ITGA6: variants seen among roughly 807,000 people sequenced by gnomAD.
ITGA6 encodes integrin alpha-6.
In ITGA6, 63 loss-of-function variants were observed where a neutral mutation model predicts 133.6. That is an observed-to-expected ratio of 0.47 (90% confidence interval 0.38 to 0.58). ITGA6 has a LOEUF of 0.58. ITGA6 is among the 20% of genes least tolerant of loss of function. The pLI, the probability that ITGA6 is intolerant of heterozygous loss-of-function variation, is 0.00. For synonymous variants in ITGA6, 434 were observed against 482.0 expected (o/e 0.90, Z 1.30); for missense variants, 1,068 against 1,309.4 (o/e 0.82, Z 2.85).
chr2:172,469,798 G>A (rs1165090752), intron 4 of ITGA6, among the ~76,000 whole-genome samples: 1 of 152,154 alleles, frequency 6.6e-6, no homozygotes, highest in East Asian at 1.9e-4. Flanking sequence ...TATTAATATG[G>A]ACATTTCTCT....
intron 24 of ITGA6, 36 bp from the exon 25 acceptor site, chr2:172,501,736 A>G: frequency 6.2e-7 from 1 of 1,606,288 alleles, no homozygotes; most frequent in South Asian, 1.1e-5. Flanking sequence ...TATACACAAA[A>G]CTGTAAAATT....
chr2:172,474,034 C>T (rs1381543468), intron 5 of ITGA6, 21 bp from the exon 6 acceptor site: 2 of 1,539,722 alleles, frequency 1.3e-6, no homozygotes, highest in Non-Finnish European at 9.0e-7. Flanking sequence ...GTGAGGGGCT[C>T]TATATATTTT....
At chr2:172,469,439 T>A in intron 4 of ITGA6, 59 bp downstream of exon 4, 4 of 1,490,080 alleles carry the variant, frequency 2.7e-6, no homozygotes, top group Non-Finnish European at 3.7e-6. Flanking sequence ...GTAATATGAT[T>A]TAGTACATTT....
In ITGA6 at chr2:172,475,025, G is replaced by C; in HGVS notation, c.1083G>C (p.Trp361Cys). The C allele has an allele frequency of 6.2e-7, 1 of 1,600,910 alleles. No individual in the cohort carries two copies. Among genetic ancestry groups the C allele is most frequent in the South Asian group, 1.1e-5 (1 of 90,838 alleles). Residue 361 changes from tryptophan to cysteine, a missense_variant, in exon 7 of 26, where the codon TGG becomes TGC. Physicochemically the swap from Trp to Cys is radical, Grantham distance 215. Transcript: ENST00000684293. Reference sequence around the variant, plus strand: ...TCTACATGAACCAGCAAGGCAGATGGAATAATGTGAAGCCAATTCGTCTTA... The same window carrying C: ...TCTACATGAACCAGCAAGGCAGATGCAATAATGTGAAGCCAATTCGTCTTA... ...VYVYMNQQGR[W>C]NNVKPIRLNG...
intron 1 of ITGA6, among the ~76,000 whole-genome samples, chr2:172,462,150 C>T (rs1260151447): frequency 6.6e-6 from 1 of 152,200 alleles, no homozygotes; most frequent in Non-Finnish European, 1.5e-5. Flanking sequence ...TTTACCTTAC[C>T]TTTCGGTGAT....
rs1395138180 is a variant in ITGA6, at chr2:172,504,081, T to A, written c.*23-10T>A. ...TAATTTGTTTCTCTTTCTCTTTCCCTCTTCTCTAGTGTGGATTCTTTAAAC... is the reference window on the plus strand; with the variant it reads ...TAATTTGTTTCTCTTTCTCTTTCCCACTTCTCTAGTGTGGATTCTTTAAAC... On this transcript the variant is annotated splice_polypyrimidine_tract_variant and intron_variant, in intron 25 of 25. Transcript: ENST00000684293. 1.9e-6 allele frequency: 3 copies of A among 1,558,840 alleles called. No individual in the cohort carries two copies. Among genetic ancestry groups the A allele is most frequent in the Admixed American group, 2.0e-5 (1 of 49,218 alleles).
chr2:172,467,494 A>C lies in ITGA6; in HGVS notation c.321A>C (p.Ser107=). The C allele has an allele frequency of 6.2e-7, 1 of 1,613,608 alleles. No individual in the cohort carries two copies. The highest frequency in any genetic ancestry group is 1.1e-5 in the South Asian group (1 of 91,072). ...TCCTTTCTACAGCTGACCCCACGTC[A>C]GAAAGCAAGGAAGATCAGTGGATGG... ...IEFDNDADPT[S]ESKEDQWMGV... is the part of the protein sequence containing the mutation. The change falls in exon 3 of 26, where the codon TCA becomes TCC. Residue 107 remains serine (S), a synonymous_variant. Transcript: ENST00000684293.
At chr2:172,484,427 G>A (rs1376704174) in intron 11 of ITGA6, among the ~76,000 whole-genome samples, 1 of 113,936 alleles carries the variant, frequency 8.8e-6, no homozygotes, top group Non-Finnish European at 1.9e-5. Flanking sequence ...CAGTTTAGGT[G>A]CTCGGGGGAG....
intron 1 of ITGA6, among the ~76,000 whole-genome samples, chr2:172,429,602 G>T (rs1684026615): frequency 6.6e-6 from 1 of 152,222 alleles, no homozygotes; most frequent in African/African-American, 2.4e-5. Flanking sequence ...AGGAATCTGT[G>T]TCGTGAAGGT....
chr2:172,484,831 A>G lies in ITGA6; in HGVS notation c.1599A>G (p.Leu533=), dbSNP rs1354829121. The G allele has an allele frequency of 2.5e-6, 4 of 1,614,120 alleles. No homozygotes were observed. The highest frequency in any genetic ancestry group is 3.4e-6 in the Non-Finnish European group (4 of 1,179,930). The change falls in exon 12 of 26, where the codon CTA becomes CTG. Residue 533 remains leucine, a synonymous_variant. Transcript: ENST00000684293. ...AAAAAGAAAGAAGAAAATCTGGGCT[A>G]TCCTCAAGAGTTCAGTTTCGAAACC... ...EAEKERRKSG[L]SSRVQFRNQG...
chr2:172,501,817 T>A lies in ITGA6; in HGVS notation c.3160T>A (p.Tyr1054Asn). 1.2e-6 allele frequency: 2 copies of A among 1,612,374 alleles called. No individual in the cohort carries two copies. The highest frequency in any genetic ancestry group is 1.7e-6 in the Non-Finnish European group (2 of 1,179,008). Residue 1054 changes from tyrosine (Y) to asparagine (N), a missense_variant, in exon 25 of 26, where the codon TAT becomes AAT. Transcript: ENST00000684293. The stretch of plus-strand genomic sequence containing the variant: ...TAAGAAAGATCATTATGATGCCACA[T>A]ATCACAAGGCTGAGATCCATGCTCA... ...RNKKDHYDAT[Y>N]HKAEIHAQPS... is the part of the protein sequence containing the mutation.
intron 1 of ITGA6, among the ~76,000 whole-genome samples, chr2:172,436,431 A>C (rs1214689084): frequency 6.6e-6 from 1 of 152,194 alleles, no homozygotes; most frequent in African/African-American, 2.4e-5. Context: ...AAGGGGTTGT[A>C]GGAATGTGGA....
At chr2:172,486,811 C>T (rs1037907824) in intron 13 of ITGA6, among the ~76,000 whole-genome samples, 2 of 152,166 alleles carry the variant, frequency 1.3e-5, no homozygotes, top group Non-Finnish European at 2.9e-5. Flanking sequence ...ACCACACTGC[C>T]TCCATGCCCT....
In ITGA6 at chr2:172,487,964, A is replaced by C; in HGVS notation, c.2328A>C (p.Thr776=). The change falls in exon 18 of 26, where the codon ACA becomes ACC. Residue 776 remains threonine (T), a synonymous_variant. Coordinates refer to ENST00000684293, the MANE Select transcript of ITGA6 (RefSeq NM_000210.4). ...DLDINLKLET[T]SNQDNLAPIT... is the part of the protein sequence containing the mutation. ...ATTGTTTCCTTTTCATTTTCAGAAC[A>C]AGCAATCAAGATAATTTGGCTCCAA... 2 of 1,613,440 alleles carry C rather than the reference A, an allele frequency of 1.2e-6. No individual in the cohort carries two copies. Among genetic ancestry groups the C allele is most frequent in the South Asian group, 1.1e-5 (1 of 91,058 alleles).
At chr2:172,484,721 A>G in intron 11 of ITGA6, 61 bp from the exon 12 acceptor site, 1 of 1,386,514 alleles carries the variant, frequency 7.2e-7, no homozygotes, top group Non-Finnish European at 1.0e-6. Flanking sequence ...GGAGTTCAAC[A>G]TGCTTGTGGC....
At chr2:172,469,616 CT>C (rs36112787) in intron 4 of ITGA6, among the ~76,000 whole-genome samples, 1 of 151,798 alleles carries the variant, frequency 6.6e-6, no homozygotes, top group Non-Finnish European at 1.5e-5. Context: ...AGGTAGTTAA[CT>C]TTTTTTTAGC....
At chr2:172,496,351 C>A (rs1447010934) in intron 23 of ITGA6, among the ~76,000 whole-genome samples, 3 of 152,140 alleles carry the variant, frequency 2.0e-5, no homozygotes, top group Admixed American at 2.0e-4. Flanking sequence ...TTTATGCCTG[C>A]CTGTTACCAT....
intron 1 of ITGA6, among the ~76,000 whole-genome samples, chr2:172,445,541 C>T (rs1292426286): frequency 6.7e-6 from 1 of 149,962 alleles, no homozygotes; most frequent in Non-Finnish European, 1.5e-5. Flanking sequence ...CCCAGCTACT[C>T]GGGAAGCTGA....
intron 1 of ITGA6, among the ~76,000 whole-genome samples, chr2:172,460,058 T>G (rs1685368745): frequency 6.6e-6 from 1 of 152,344 alleles, no homozygotes; most frequent in African/African-American, 2.4e-5. Context: ...ATTGATAGAA[T>G]GTAAGAATAG....
Sources: allele counts gnomAD v4.1 joint callset (sites outside exome capture counted in the v4.1 genomes callset), GRCh38; gene constraint gnomAD v4.1.1; transcripts MANE v1.5; gene names NCBI Gene and HGNC (gene_info 2026-07-23, HGNC 2026-07-21).